Variants in PDE7A observed in about 807,000 individuals in gnomAD.
PDE7A encodes the protein phosphodiesterase 7A.
PDE7A carries 39 observed loss-of-function variants against 64.3 expected under a neutral mutation model. That is an observed-to-expected ratio of 0.61 (90% confidence interval 0.47 to 0.79). The LOEUF (loss-of-function observed/expected upper bound fraction) is 0.79, where lower values mean the gene tolerates loss of function less well. PDE7A is among the 30% of genes least tolerant of loss of function. The pLI, the probability that PDE7A is intolerant of heterozygous loss-of-function variation, is 0.00. For synonymous variants in PDE7A, 203 were observed against 206.8 expected (o/e 0.98, Z 0.16); for missense variants, 470 against 582.8 (o/e 0.81, Z 1.99).
At chr8:65,805,096 A>G (rs544112674) in intron 1 of PDE7A, among the ~76,000 whole-genome samples, 5 of 152,172 alleles carry the variant, frequency 3.3e-5, no homozygotes, top group Non-Finnish European at 7.4e-5. Flanking sequence ...CTCCTGCCTC[A>G]GCCTCCCAAA....
intron 7 of PDE7A, among the ~76,000 whole-genome samples, chr8:65,730,266 C>T (rs1458824925): frequency 6.9e-6 from 1 of 144,716 alleles, no homozygotes; most frequent in East Asian, 2.0e-4. Context: ...CCGAAACCTC[C>T]ACCTCCCGGG....
intron 1 of PDE7A, among the ~76,000 whole-genome samples, chr8:65,794,429 A>G (rs975191745): frequency 2.7e-5 from 4 of 146,220 alleles, no homozygotes; most frequent in South Asian, 2.1e-4. Context: ...TAGGTGAGGG[A>G]AAAAAAAAAA....
At position 65,718,399 on chromosome 8, in the gene PDE7A, G is replaced by T. The variant is rs1241384584; in HGVS notation, c.*891C>A. 6.6e-6 allele frequency: 1 copy of T among 152,180 alleles called. No individual in the cohort carries two copies. Among genetic ancestry groups the T allele is most frequent in the Non-Finnish European group, 1.5e-5 (1 of 68,054 alleles). 9.4% of individuals were successfully genotyped at this position (152,180 alleles called of 1,614,324 possible). On this transcript the variant is annotated 3_prime_UTR_variant, in exon 13 of 13. Transcript: ENST00000401827. ...ACTCTCCCATCCCACTTTTATTTCA[G>T]ATTGGCAAATACCCTGAGCTGATTA...
chr8:65,814,278 G>A (rs1052745689), intron 1 of PDE7A, among the ~76,000 whole-genome samples: 19 of 151,680 alleles, frequency 1.3e-4, no homozygotes, highest in African/African-American at 4.1e-4. Flanking sequence ...TTGGGAGGCC[G>A]AGGCGGGCGG....
rs115013741 is a variant in PDE7A, at chr8:65,840,870, A to G, written c.138+501T>C. On this transcript the variant is annotated intron_variant, in intron 1 of 12. Coordinates refer to ENST00000401827, the MANE Select transcript of PDE7A (RefSeq NM_001242318.3). Reference sequence around the variant, plus strand: ...CGAAGGAGTCGGGGAGACTACAGCAACGGGGCATCTAGGCCTATTGTTCAG... The same window carrying G: ...CGAAGGAGTCGGGGAGACTACAGCAGCGGGGCATCTAGGCCTATTGTTCAG... Among the ~76,000 whole-genome samples the G allele has an allele frequency of 4.4e-3, 669 of 152,366 alleles. 4 individuals are homozygous for G. Among genetic ancestry groups the G allele is most frequent in the African/African-American group, 0.015 (643 of 41,592 alleles).
At chr8:65,798,119 C>T (rs1194098062) in intron 1 of PDE7A, among the ~76,000 whole-genome samples, 1 of 143,722 alleles carries the variant, frequency 7.0e-6, no homozygotes, top group Non-Finnish European at 1.5e-5. Flanking sequence ...AGAACTTGTA[C>T]CAAAAAAAGG....
Position 65,840,423 on chromosome 8 carries a change from C to T in PDE7A, c.138+948G>A, listed in dbSNP as rs7839752. Among the ~76,000 whole-genome samples the T allele has an allele frequency of 2.6e-3, 398 of 151,336 alleles. 2 individuals are homozygous for T. The highest frequency in any genetic ancestry group is 7.6e-3 in the African/African-American group (311 of 40,982). Reference sequence around the variant, plus strand: ...GCACACACACACACACACACACACACACACACACCTTGCTCAAGATACAAT... The same window carrying T: ...GCACACACACACACACACACACACATACACACACCTTGCTCAAGATACAAT... On this transcript the variant is annotated intron_variant, in intron 1 of 12. Transcript: ENST00000401827.
chr8:65,762,471 T>TA (rs1808548283), intron 3 of PDE7A, among the ~76,000 whole-genome samples: 1 of 152,146 alleles, frequency 6.6e-6, no homozygotes, highest in Non-Finnish European at 1.5e-5. Flanking sequence ...GCTTAGGAAT[T>TA]AGACACATCT....
At position 65,779,752 on chromosome 8, in the gene PDE7A, G is replaced by T; in HGVS notation, c.251C>A (p.Ser84Tyr). Reference sequence around the variant, plus strand: ...AATACGAAAATCAATATATGGGTGAGAACCTCTTCTTTCTGATTCAAATCC... The same window carrying T: ...AATACGAAAATCAATATATGGGTGATAACCTCTTCTTTCTGATTCAAATCC... ...RAGFESERRGSHPYIDFRIFH... is the reference protein window; with the variant it reads ...RAGFESERRGYHPYIDFRIFH... Residue 84 changes from serine to tyrosine, a missense_variant, in exon 3 of 13, where the codon TCT becomes TAT. By Grantham distance (144) the Ser-to-Tyr change is moderately radical. Transcript: ENST00000401827. 1 of 1,596,432 alleles carries T rather than the reference G, an allele frequency of 6.3e-7. No homozygotes were observed. The highest frequency in any genetic ancestry group is 8.6e-7 in the Non-Finnish European group (1 of 1,168,162).
chr8:65,726,791 C>A (rs1026484362), intron 9 of PDE7A, 84 bp downstream of exon 9: 1 of 734,604 alleles, frequency 1.4e-6, no homozygotes. Flanking sequence ...CTGAACATAA[C>A]AATTTTTAAA....
At chr8:65,839,344 T>TA (rs11430407) in intron 1 of PDE7A, among the ~76,000 whole-genome samples, 51,655 of 151,658 alleles carry the variant, frequency 0.34, 11,268 homozygotes, top group African/African-American at 0.62. Flanking sequence ...AGCATTTGAT[T>TA]AACCAAATGT....
chr8:65,725,120 C>G (rs554838262), intron 9 of PDE7A, among the ~76,000 whole-genome samples, 199 bp from the exon 10 acceptor site: 1 of 151,786 alleles, frequency 6.6e-6, no homozygotes, highest in African/African-American at 2.4e-5. Flanking sequence ...AAAACTAAAA[C>G]CAAGAGTTTG....
At chr8:65,837,511 A>C (rs1810974963) in intron 1 of PDE7A, among the ~76,000 whole-genome samples, 1 of 152,222 alleles carries the variant, frequency 6.6e-6, no homozygotes, top group African/African-American at 2.4e-5. Context: ...TATACACCTT[A>C]TAAACATAGC....
intron 1 of PDE7A, among the ~76,000 whole-genome samples, chr8:65,791,177 G>C (rs1172459019): frequency 6.6e-6 from 1 of 152,192 alleles, no homozygotes; most frequent in Non-Finnish European, 1.5e-5. Context: ...AAGTAAGAAA[G>C]GCAGTTCTAA....
chr8:65,824,410 A>G (rs969939617), intron 1 of PDE7A, among the ~76,000 whole-genome samples: 1 of 152,210 alleles, frequency 6.6e-6, no homozygotes, highest in Admixed American at 6.5e-5. Context: ...CAAAGAATTC[A>G]GGATGTTACA....
intron 4 of PDE7A, among the ~76,000 whole-genome samples, chr8:65,747,368 T>C (rs1183598444): frequency 6.6e-6 from 1 of 152,234 alleles, no homozygotes; most frequent in Non-Finnish European, 1.5e-5. Context: ...ATTACAATTC[T>C]GTGAGATCTT....
At chr8:65,839,978 G>A (rs1811039360) in intron 1 of PDE7A, among the ~76,000 whole-genome samples, 1 of 151,978 alleles carries the variant, frequency 6.6e-6, no homozygotes, top group African/African-American at 2.4e-5. Flanking sequence ...GCTGATCTGA[G>A]GAAGTAAAAT....
At chr8:65,791,497 A>G (rs1355081368) in intron 1 of PDE7A, among the ~76,000 whole-genome samples, 2 of 152,192 alleles carry the variant, frequency 1.3e-5, no homozygotes, top group African/African-American at 4.8e-5. Flanking sequence ...AACTGCAATC[A>G]CAATGGTCCA....
At chr8:65,722,843 T>G (rs550261501) in intron 12 of PDE7A, 2 of 152,244 alleles carry the variant, frequency 1.3e-5, no homozygotes, top group Non-Finnish European at 2.9e-5. Flanking sequence ...TGACTGACTC[T>G]GCCTAAAGCA....
Sources: gnomAD v4.1 joint callset for allele counts (sites outside exome capture counted in the v4.1 genomes callset) on GRCh38, gnomAD v4.1.1 for gene constraint, MANE v1.5 for transcripts, NCBI Gene and HGNC (gene_info 2026-07-23, HGNC 2026-07-21) for gene names.